The following ZNF706 variants were observed in gnomAD, a reference collection of about 807,000 sequenced individuals.
The protein encoded by ZNF706 is zinc finger protein 706.
In ZNF706, 4 loss-of-function variants were observed where a neutral mutation model predicts 9.2. The observed-to-expected ratio is 0.43, with a 90% confidence interval of 0.21 to 0.99. ZNF706 has a LOEUF of 0.99. Among genes scored for constraint, ZNF706 ranks in the 50% least tolerant of loss-of-function variants. ZNF706 has a pLI of 0.26. For synonymous variants in ZNF706, 28 were observed against 27.3 expected (o/e 1.03, Z -0.08); for missense variants, 27 against 87.8 (o/e 0.31, Z 2.77).
In ZNF706 at chr8:101,203,066, G is replaced by C. The variant is rs572581095; in HGVS notation, c.-2-1323C>G. On this transcript the variant is annotated intron_variant, in intron 1 of 3. Coordinates refer to ENST00000311212, the MANE Select transcript of ZNF706 (RefSeq NM_016096.5). ...AAGTTTCTTTGCTCTCTAGACGTTA[G>C]TTCCCATTTGAGGGAATGAACTTGG... is the stretch of plus-strand genomic sequence containing the variant. 16 of 152,136 alleles carry C rather than the reference G, an allele frequency of 1.1e-4. No homozygotes were observed. In the East Asian group the frequency reaches 3.1e-3, roughly 29 times the overall value. 9.4% of individuals were successfully genotyped at this position (152,136 alleles called of 1,614,324 possible). A position where few individuals can be genotyped will look rare whatever the true frequency, so the allele number is the denominator to read the frequency against.
intron 1 of ZNF706, chr8:101,204,583 G>A (rs1394132730): frequency 1.8e-5 from 18 of 974,938 alleles, no homozygotes; most frequent in South Asian, 4.7e-5. Flanking sequence ...AAAATCGTAG[G>A]CAGCTACAAC....
chr8:101,201,403 C>A lies in ZNF706; in HGVS notation c.135+204G>T. The A allele has an allele frequency of 7.4e-6, 4 of 540,698 alleles. No homozygotes were observed. Among genetic ancestry groups the A allele is most frequent in the Middle Eastern group, 4.7e-4 (1 of 2,106 alleles). 33.5% of individuals were successfully genotyped at this position (540,698 alleles called of 1,614,324 possible). A position where few individuals can be genotyped will look rare whatever the true frequency, so the allele number is the denominator to read the frequency against. ...TGTTTTGTTCACTCTGTTTTCCCAGCACCTAGAGATTTTTGCCTGGCCACA... is the reference window on the plus strand; with the variant it reads ...TGTTTTGTTCACTCTGTTTTCCCAGAACCTAGAGATTTTTGCCTGGCCACA... On this transcript the variant is annotated intron_variant, in intron 2 of 3. Transcript: ENST00000311212. The surrounding 1 kb of genome is among the most constrained non-coding windows in gnomAD (Gnocchi z 4.5).
At chr8:101,206,032 G>A (rs992051475), upstream of ZNF706, 1 of 152,084 alleles carries the variant, frequency 6.6e-6, no homozygotes, top group African/African-American at 2.4e-5. Flanking sequence ...CGGGCCTCAG[G>A]CGCTGCGACC....
chr8:101,197,063 ATCT>A lies in ZNF706; in HGVS notation c.*2186_*2188del, dbSNP rs1194003296. 8.5e-5 allele frequency: 13 copies of A among 152,210 alleles called. No homozygotes were observed. Among genetic ancestry groups the A allele is most frequent in the African/African-American group, 3.1e-4 (13 of 41,454 alleles). The allele number at this position is 152,210 out of a possible 1,614,324, so 9.4% of individuals were successfully genotyped here. A position where few individuals can be genotyped will look rare whatever the true frequency, so the allele number is the denominator to read the frequency against. On this transcript the variant is annotated 3_prime_UTR_variant, in exon 4 of 4. Coordinates refer to ENST00000311212, the MANE Select transcript of ZNF706 (RefSeq NM_016096.5). ...TTAGACTAGTTTAGTTTTCTTTAATATCTTCTTTAATAAGACATTACAGCACAC... is the reference window on the plus strand; with the variant it reads ...TTAGACTAGTTTAGTTTTCTTTAATATCTTTAATAAGACATTACAGCACAC...
At position 101,199,339 on chromosome 8, in the gene ZNF706, T is replaced by G. The variant is rs1039279363; in HGVS notation, c.*13-100A>C. The G allele has an allele frequency of 4.5e-6, 3 of 667,152 alleles. No homozygotes were observed. In the African/African-American group the frequency reaches 5.4e-5, roughly 12 times the overall value. The allele number at this position is 667,152 out of a possible 1,614,324, so 41.3% of individuals were successfully genotyped here. A position where few individuals can be genotyped will look rare whatever the true frequency, so the allele number is the denominator to read the frequency against. ...AAGAAGAAACACTATGAAGATAATA[T>G]CTGGTAAACTTGTCAACTCGACTTT... is the stretch of plus-strand genomic sequence containing the variant. On this transcript the variant is annotated intron_variant, in intron 3 of 3. Coordinates refer to ENST00000311212, the MANE Select transcript of ZNF706 (RefSeq NM_016096.5).
At chr8:101,199,638 G>A (rs909134898) in intron 3 of ZNF706, among the ~76,000 whole-genome samples, 4 of 152,194 alleles carry the variant, frequency 2.6e-5, no homozygotes, top group African/African-American at 9.7e-5. Context: ...TAAACTAATT[G>A]TAAAGAGGTG....
rs937330507 is a variant in ZNF706 at position 101,203,303 on chromosome 8, C to G, written c.-2-1560G>C. Reference sequence around the variant, plus strand: ...AGTCTCAATTGCTTTTTAAATATATCAAAATTGGATCCTAAGTAGAATTCA... The same window carrying G: ...AGTCTCAATTGCTTTTTAAATATATGAAAATTGGATCCTAAGTAGAATTCA... On this transcript the variant is annotated intron_variant, in intron 1 of 3. Transcript: ENST00000311212. The G allele has an allele frequency of 2.6e-5, 4 of 152,094 alleles. No homozygotes were observed. The East Asian group carries it at 7.7e-4, about 29-fold the overall frequency. 9.4% of individuals were successfully genotyped at this position (152,094 alleles called of 1,614,324 possible).
At chr8:101,204,863 G>A in intron 1 of ZNF706, 1 of 985,706 alleles carries the variant, frequency 1.0e-6, no homozygotes, top group Non-Finnish European at 1.2e-6. Flanking sequence ...CCATCGGAAA[G>A]GAAGAGGCCC....
chr8:101,204,125 AT>A (rs1261442210), intron 1 of ZNF706: 2 of 152,264 alleles, frequency 1.3e-5, no homozygotes, highest in African/African-American at 2.4e-5. Context: ...GTTAAAAAAA[AT>A]CTTCAAAAAT....
rs1165379957 is a variant in ZNF706 at position 101,199,027 on chromosome 8, C to T, written c.*225G>A. 2.4e-6 allele frequency: 1 copy of T among 423,530 alleles called. No individual in the cohort carries two copies. Among genetic ancestry groups the T allele is most frequent in the Non-Finnish European group, 4.2e-6 (1 of 239,062 alleles). 26.2% of individuals were successfully genotyped at this position (423,530 alleles called of 1,614,324 possible). Reference sequence around the variant, plus strand: ...ACAATTGTAAAAAAATTTTTTATAACAAGGATGGACTGATTTTCATATTTC... The same window carrying T: ...ACAATTGTAAAAAAATTTTTTATAATAAGGATGGACTGATTTTCATATTTC... On this transcript the variant is annotated 3_prime_UTR_variant, in exon 4 of 4. Transcript: ENST00000311212.
rs1331653953 is a variant in ZNF706 at position 101,204,657 on chromosome 8, T to C, written c.-3+778A>G. On this transcript the variant is annotated intron_variant, in intron 1 of 3. Transcript: ENST00000311212. Reference sequence around the variant, plus strand: ...TCACTTACAAATACCTACATGCTGGTTTTTAATGCAACTCTCAGTGTGGTT... The same window carrying C: ...TCACTTACAAATACCTACATGCTGGCTTTTAATGCAACTCTCAGTGTGGTT... 9.1e-6 allele frequency: 9 copies of C among 985,204 alleles called. No homozygotes were observed. In the East Asian group the frequency reaches 7.9e-4, roughly 87 times the overall value. The allele number at this position is 985,204 out of a possible 1,614,324, so 61.0% of individuals were successfully genotyped here. A position where few individuals can be genotyped will look rare whatever the true frequency, so the allele number is the denominator to read the frequency against.
rs1810548348 is a variant in ZNF706, at chr8:101,201,326, G to A, written c.135+281C>T. On this transcript the variant is annotated intron_variant, in intron 2 of 3. Transcript: ENST00000311212. This position sits in a 1 kb window ranked among gnomAD's most constrained non-coding sequence, Gnocchi z 4.5. The stretch of plus-strand genomic sequence containing the variant: ...GAGTTATATGATGTGCTAGTGAAGT[G>A]TATTATATGCCCTTATGAAGACATC... 3 of 372,548 alleles carry A rather than the reference G, an allele frequency of 8.1e-6. No individual in the cohort carries two copies. The highest frequency in any genetic ancestry group is 8.1e-5 in the South Asian group (2 of 24,614). 23.1% of individuals were successfully genotyped at this position (372,548 alleles called of 1,614,324 possible).
At chr8:101,200,963 C>A (rs1037418896) in intron 2 of ZNF706, 13 of 255,996 alleles carry the variant, frequency 5.1e-5, no homozygotes, top group African/African-American at 2.7e-4. Flanking sequence ...AGCTGGGAGA[C>A]CCCACACAAA....
At position 101,198,795 on chromosome 8, in the gene ZNF706, T is replaced by TGATTCTGC. The variant is rs1214125343; in HGVS notation, c.*456_*457insGCAGAATC. 1 of 157,120 alleles carries TGATTCTGC rather than the reference T, an allele frequency of 6.4e-6. No homozygotes were observed. The highest frequency in any genetic ancestry group is 1.4e-5 in the Non-Finnish European group (1 of 71,098). The allele number at this position is 157,120 out of a possible 1,614,324, so 9.7% of individuals were successfully genotyped here. On this transcript the variant is annotated 3_prime_UTR_variant, in exon 4 of 4. Transcript: ENST00000311212. ...TTTTAATGAATCAGTCTGCTCTAGTTTAACTGAGGAACCTGCCACTGAGCA... is the reference window on the plus strand; with the variant it reads ...TTTTAATGAATCAGTCTGCTCTAGTTGATTCTGCTAACTGAGGAACCTGCCACTGAGCA...
At chr8:101,204,900 G>C (rs1473467909) in intron 1 of ZNF706, 3 of 985,554 alleles carry the variant, frequency 3.0e-6, no homozygotes, top group Non-Finnish European at 3.6e-6. Flanking sequence ...CCTGACCCTA[G>C]CTTTTAACAC....
Position 101,205,064 on chromosome 8 carries a change from C to G in ZNF706, c.-3+371G>C. 2.1e-6 allele frequency: 1 copy of G among 473,324 alleles called. No homozygotes were observed. Among genetic ancestry groups the G allele is most frequent in the Non-Finnish European group, 2.8e-6 (1 of 362,110 alleles). 29.3% of individuals were successfully genotyped at this position (473,324 alleles called of 1,614,324 possible). On this transcript the variant is annotated intron_variant, in intron 1 of 3. Coordinates refer to ENST00000311212, the MANE Select transcript of ZNF706 (RefSeq NM_016096.5). The surrounding 1 kb of genome is among the most constrained non-coding windows in gnomAD (Gnocchi z 6.6). ...TCCTCCTCCCTGCCACCAAAGGCCA[C>G]GCAGCCCCCATCTAGCCAGTCCTCA...
Position 101,198,922 on chromosome 8 carries a change from C to A in ZNF706, c.*330G>T. 3.6e-6 allele frequency: 1 copy of A among 277,536 alleles called. No homozygotes were observed. Among genetic ancestry groups the A allele is most frequent in the Non-Finnish European group, 6.7e-6 (1 of 150,130 alleles). 17.2% of individuals were successfully genotyped at this position (277,536 alleles called of 1,614,324 possible). A position where few individuals can be genotyped will look rare whatever the true frequency, so the allele number is the denominator to read the frequency against. ...AAAGTTAGAACAGAATTTCTAAAAC[C>A]ATTTATCCTGTGATGTCGTAAATCA... On this transcript the variant is annotated 3_prime_UTR_variant, in exon 4 of 4. Transcript: ENST00000311212.
chr8:101,202,987 C>G (rs937144495), intron 1 of ZNF706: 3 of 152,098 alleles, frequency 2.0e-5, no homozygotes, highest in African/African-American at 7.2e-5. Context: ...GTTGGTCTTG[C>G]TGGATTGCTG....
rs1459530698 is a variant in ZNF706 at position 101,205,006 on chromosome 8, C to A, written c.-3+429G>T. 2 of 945,356 alleles carry A rather than the reference C, an allele frequency of 2.1e-6. No homozygotes were observed. Among genetic ancestry groups the A allele is most frequent in the Non-Finnish European group, 2.5e-6 (2 of 793,560 alleles). 58.6% of individuals were successfully genotyped at this position (945,356 alleles called of 1,614,324 possible). A position where few individuals can be genotyped will look rare whatever the true frequency, so the allele number is the denominator to read the frequency against. On this transcript the variant is annotated intron_variant, in intron 1 of 3. Coordinates refer to ENST00000311212, the MANE Select transcript of ZNF706 (RefSeq NM_016096.5). This position sits in a 1 kb window ranked among gnomAD's most constrained non-coding sequence, Gnocchi z 6.6. ...AGCTTCAGCCTGGCGCACCTTCCTT[C>A]CCAAACCCGCCTCTCCCGCCTCGGA...
Sources: gnomAD v4.1 joint callset for allele counts (sites outside exome capture counted in the v4.1 genomes callset) on GRCh38, gnomAD v4.1.1 for gene constraint, Gnocchi (gnomAD v3.1) non-coding constraint, MANE v1.5 for transcripts, NCBI Gene and HGNC (gene_info 2026-07-23, HGNC 2026-07-21) for gene names.